Variants in ZNF484 observed in about 807,000 individuals in gnomAD.
The protein encoded by ZNF484 is zinc finger protein 484.
A neutral mutation model predicts 12.9 loss-of-function variants in ZNF484; 11 were observed. The ratio of observed to expected loss-of-function variants is 0.85; its 90% CI spans 0.54 to 1.41. ZNF484 has a LOEUF of 1.41. ZNF484 is among the 40% of genes most tolerant of loss of function. The pLI is 0.00. For synonymous variants in ZNF484, 289 were observed against 334.1 expected (o/e 0.86, Z 1.47); for missense variants, 807 against 1,007.7 (o/e 0.80, Z 2.70).
intron 2 of ZNF484, among the ~76,000 whole-genome samples, chr9:92,870,424 C>T (rs992112110): frequency 1.3e-5 from 2 of 152,224 alleles, no homozygotes; most frequent in East Asian, 3.8e-4. Flanking sequence ...GGGCTTGATT[C>T]ATCTCTCATC....
chr9:92,853,948 T>C (rs1465420341), intron 4 of ZNF484, among the ~76,000 whole-genome samples: 1 of 144,400 alleles, frequency 6.9e-6, no homozygotes, highest in African/African-American at 2.5e-5. Flanking sequence ...TCCAAGCAGG[T>C]CCAGATGGGG....
At chr9:92,869,476 C>T (rs924253382) in intron 2 of ZNF484, among the ~76,000 whole-genome samples, 79 of 152,316 alleles carry the variant, frequency 5.2e-4, no homozygotes, top group African/African-American at 1.8e-3. Context: ...AATTCCAGCA[C>T]TTTGGGAGGC....
chr9:92,876,277 A>C (rs1362792446), intron 1 of ZNF484, among the ~76,000 whole-genome samples: 1 of 152,212 alleles, frequency 6.6e-6, no homozygotes, highest in Non-Finnish European at 1.5e-5. Flanking sequence ...AATGAGCAGA[A>C]ATTTCATCAA....
intron 2 of ZNF484, among the ~76,000 whole-genome samples, chr9:92,863,394 C>T (rs1234940610): frequency 6.6e-6 from 1 of 152,042 alleles, no homozygotes; most frequent in Non-Finnish European, 1.5e-5. Context: ...CAAACCTGCA[C>T]ATCCTGCACA....
At chr9:92,873,012 C>T (rs756261537) in intron 2 of ZNF484, among the ~76,000 whole-genome samples, 4 of 151,964 alleles carry the variant, frequency 2.6e-5, no homozygotes, top group Admixed American at 6.6e-5. Flanking sequence ...TCCAAAAATT[C>T]GTATGTTTAG....
At chr9:92,872,231 CAAAAAA>C (rs59372760) in intron 2 of ZNF484, among the ~76,000 whole-genome samples, 8 of 45,602 alleles carry the variant, frequency 1.8e-4, no homozygotes, top group South Asian at 7.7e-4. Flanking sequence ...ATCTCTGCCT[CAAAAAA>C]AAAAAAAAAA....
rs375312087 is a variant in ZNF484, at chr9:92,846,960, T to C, written c.1827A>G (p.Glu609=). The change falls in exon 5 of 5, where the codon GAA becomes GAG. Residue 609 remains glutamate, a synonymous_variant. Transcript: ENST00000375495. Reference sequence around the variant, plus strand: ...TGAAGGATTTCCCACAAATACTGCATTCATAGGGTTTCTCTCCAGTATGAA... The same window carrying C: ...TGAAGGATTTCCCACAAATACTGCACTCATAGGGTTTCTCTCCAGTATGAA... ...ERIHTGEKPY[E]CSICGKSFTK... 1 of 1,613,920 alleles carries C rather than the reference T, an allele frequency of 6.2e-7. No homozygotes were observed. The highest frequency in any genetic ancestry group is 1.3e-5 in the African/African-American group (1 of 74,894).
intron 1 of ZNF484, 93 bp downstream of exon 1, chr9:92,877,797 C>T (rs1857928272): frequency 6.5e-7 from 1 of 1,535,786 alleles, no homozygotes. Context: ...CTATTCCATC[C>T]ACTGACCGAC....
chr9:92,857,143 G>C (rs930989320), intron 2 of ZNF484, among the ~76,000 whole-genome samples: 2 of 152,180 alleles, frequency 1.3e-5, no homozygotes, highest in African/African-American at 4.8e-5. Context: ...CTTCAACAAT[G>C]AACTGTAAAT....
At chr9:92,869,787 T>C (rs1327155070) in intron 2 of ZNF484, among the ~76,000 whole-genome samples, 1 of 152,184 alleles carries the variant, frequency 6.6e-6, no homozygotes, top group Non-Finnish European at 1.5e-5. Flanking sequence ...GAGTTCAAAG[T>C]GATTACCTTT....
intron 3 of ZNF484, 89 bp from the exon 4 acceptor site, chr9:92,855,992 G>C (rs1587740562): frequency 2.7e-6 from 4 of 1,473,988 alleles, no homozygotes; most frequent in East Asian, 4.5e-5. Context: ...ACTGGGAACA[G>C]AGGAATATTC....
intron 2 of ZNF484, among the ~76,000 whole-genome samples, chr9:92,867,521 C>A (rs538312125): frequency 6.6e-6 from 1 of 152,176 alleles, no homozygotes; most frequent in African/African-American, 2.4e-5. Context: ...AACAAAAAAA[C>A]AAACCTAGAT....
At chr9:92,862,061 G>C in intron 2 of ZNF484, 1 of 653,918 alleles carries the variant, frequency 1.5e-6, no homozygotes, top group East Asian at 1.4e-4. Context: ...AGAAAGAGCT[G>C]TCAATATTGA....
At chr9:92,871,432 A>G (rs1214236504) in intron 2 of ZNF484, among the ~76,000 whole-genome samples, 7 of 152,150 alleles carry the variant, frequency 4.6e-5, no homozygotes, top group Non-Finnish European at 5.9e-5. Flanking sequence ...GACATGTGGG[A>G]CAATAACAAA....
At chr9:92,856,339 ACTT>A in intron 2 of ZNF484, 21 bp from the exon 3 acceptor site, 1 of 1,522,022 alleles carries the variant, frequency 6.6e-7, no homozygotes, top group Non-Finnish European at 8.8e-7. Flanking sequence ...AAAAAAACAA[ACTT>A]TAAAATAATT....
At chr9:92,864,971 A>T (rs945127710) in intron 2 of ZNF484, among the ~76,000 whole-genome samples, 6 of 152,212 alleles carry the variant, frequency 3.9e-5, no homozygotes, top group Non-Finnish European at 8.8e-5. Context: ...TATACAGAAG[A>T]TCTGAACAAC....
intron 2 of ZNF484, among the ~76,000 whole-genome samples, chr9:92,874,056 T>C (rs1207417642): frequency 6.6e-6 from 1 of 152,210 alleles, no homozygotes; most frequent in Non-Finnish European, 1.5e-5. Context: ...CACATGATCA[T>C]GTCAATTGGT....
intron 2 of ZNF484, among the ~76,000 whole-genome samples, chr9:92,864,373 A>G (rs889282987): frequency 1.3e-5 from 2 of 152,128 alleles, no homozygotes; most frequent in Non-Finnish European, 2.9e-5. Context: ...ATGCAACCCC[A>G]GCAAATCTCG....
At chr9:92,862,678 C>G (rs1423849177) in intron 2 of ZNF484, among the ~76,000 whole-genome samples, 1 of 152,102 alleles carries the variant, frequency 6.6e-6, no homozygotes, top group Non-Finnish European at 1.5e-5. Context: ...GATCATGCAA[C>G]TATTTTTCCT....
Sources: gnomAD v4.1 joint callset for allele counts (sites outside exome capture counted in the v4.1 genomes callset) on GRCh38, gnomAD v4.1.1 for gene constraint, MANE v1.5 for transcripts, NCBI Gene and HGNC (gene_info 2026-07-23, HGNC 2026-07-21) for gene names.